Variants in DYSF observed in about 807,000 individuals in gnomAD.
DYSF encodes the protein dysferlin.
In DYSF, 212 loss-of-function variants were observed where a neutral mutation model predicts 274.9. The observed-to-expected ratio is 0.77, with a 90% CI of 0.69 to 0.86. The LOEUF (loss-of-function observed/expected upper bound fraction) is 0.86. Among genes scored for constraint, DYSF ranks in the 40% least tolerant of loss-of-function variants. The probability of loss-of-function intolerance (pLI) is 0.00; values close to 1 mark genes in which losing one functional copy is unlikely to be tolerated. For synonymous variants in DYSF, 1,091 were observed against 1,078.7 expected (o/e 1.01, Z -0.22); for missense variants, 2,666 against 2,783.2 (o/e 0.96, Z 0.95).
At chr2:71,465,609 A>G (rs749055222), upstream of DYSF, among the ~76,000 whole-genome samples, 7 of 152,180 alleles carry the variant, frequency 4.6e-5, no homozygotes, top group East Asian at 1.9e-4. Context: ...CGCCAGGGTT[A>G]TGGCTTAGCC....
intron 1 of DYSF, among the ~76,000 whole-genome samples, chr2:71,477,174 G>A (rs57926327): frequency 0.17 from 25,937 of 152,040 alleles, 3,024 homozygotes; most frequent in East Asian, 0.56. Flanking sequence ...ACAAGCAGGA[G>A]CACTGGGACA....
intron 41 of DYSF, among the ~76,000 whole-genome samples, chr2:71,637,214 A>T (rs537867220): frequency 1.3e-5 from 2 of 152,212 alleles, no homozygotes; most frequent in African/African-American, 2.4e-5. Flanking sequence ...AATGACCCAG[A>T]GGGGAGGGAT....
At chr2:71,552,410 TG>T (rs1263876989) in intron 19 of DYSF, among the ~76,000 whole-genome samples, 1 of 152,256 alleles carries the variant, frequency 6.6e-6, no homozygotes, top group Non-Finnish European at 1.5e-5. Flanking sequence ...AAGTGCTAGC[TG>T]TTGCTACTAT....
intron 12 of DYSF, among the ~76,000 whole-genome samples, chr2:71,523,659 G>T (rs2087552822): frequency 3.3e-5 from 5 of 150,308 alleles, no homozygotes; most frequent in Admixed American, 2.0e-4. Flanking sequence ...TGATTCTCCT[G>T]CCTCAGCCTC....
intron 12 of DYSF, among the ~76,000 whole-genome samples, chr2:71,521,580 G>A (rs2087276057): frequency 6.6e-6 from 1 of 152,110 alleles, no homozygotes; most frequent in African/African-American, 2.4e-5. Context: ...AAGGTCAGGG[G>A]TGAGGTGAAG....
chr2:71,562,064 C>A, intron 23 of DYSF, 120 bp downstream of exon 23: 2 of 1,386,624 alleles, frequency 1.4e-6, no homozygotes, highest in Non-Finnish European at 2.0e-6. Flanking sequence ...GCTGGGTGAC[C>A]TTGGGCAGGT....
chr2:71,516,784 G>A (rs2086703217), intron 9 of DYSF, among the ~76,000 whole-genome samples: 1 of 152,054 alleles, frequency 6.6e-6, no homozygotes, highest in African/African-American at 2.4e-5. Context: ...AAGTCTCTGT[G>A]CCCCTATTTC....
At chr2:71,467,656 G>A (rs1477015172) in intron 1 of DYSF, among the ~76,000 whole-genome samples, 2 of 152,104 alleles carry the variant, frequency 1.3e-5, no homozygotes, top group Non-Finnish European at 2.9e-5. Context: ...TCTCAGGAGG[G>A]GAAAGGGAAG....
chr2:71,498,927 G>C (rs2084697351), intron 3 of DYSF, among the ~76,000 whole-genome samples: 1 of 152,150 alleles, frequency 6.6e-6, no homozygotes, highest in South Asian at 2.1e-4. Context: ...TATTTTGTTG[G>C]ACATACTAAA....
At chr2:71,503,452 A>G in intron 4 of DYSF, 133 bp downstream of exon 4, 1 of 929,130 alleles carries the variant, frequency 1.1e-6, no homozygotes, top group Non-Finnish European at 1.7e-6. Flanking sequence ...GCCCTCCCTG[A>G]CCAGAGTTTG....
At chr2:71,514,534 A>C (rs2086454598) in intron 7 of DYSF, among the ~76,000 whole-genome samples, 2 of 152,202 alleles carry the variant, frequency 1.3e-5, no homozygotes, top group African/African-American at 4.8e-5. Context: ...TTTTATCCAA[A>C]AATCCATCCC....
chr2:71,574,058 A>G, intron 29 of DYSF, 140 bp from the exon 30 acceptor site: 1 of 1,052,548 alleles, frequency 9.5e-7, no homozygotes, highest in Non-Finnish European at 1.4e-6. Context: ...TGGCCCTCCC[A>G]GGTTTTCCCA....
chr2:71,477,240 G>T (rs2082464421), intron 1 of DYSF, among the ~76,000 whole-genome samples: 1 of 152,126 alleles, frequency 6.6e-6, no homozygotes, highest in Non-Finnish European at 1.5e-5. Flanking sequence ...CAATGGAGAG[G>T]GGAGAGGGTG....
chr2:71,637,225 G>A (rs1328338100), intron 41 of DYSF, among the ~76,000 whole-genome samples: 1 of 152,122 alleles, frequency 6.6e-6, no homozygotes, highest in East Asian at 1.9e-4. Context: ...GGGGAGGGAT[G>A]TTGGTGACAC....
At chr2:71,468,955 G>C (rs1394245184) in intron 1 of DYSF, among the ~76,000 whole-genome samples, 1 of 152,180 alleles carries the variant, frequency 6.6e-6, no homozygotes, top group Non-Finnish European at 1.5e-5. Context: ...GTGCCTGGGA[G>C]CTTCATTTAG....
Position 71,611,053 on chromosome 2 carries a change from G to C in DYSF, c.3958-192G>C, listed in dbSNP as rs983027279. ...TGAAGGTGCTGGAATTGTGATCCTGGAGAAGATGATGCCTGGCCGAAACTG... is the reference window on the plus strand; with the variant it reads ...TGAAGGTGCTGGAATTGTGATCCTGCAGAAGATGATGCCTGGCCGAAACTG... On this transcript the variant is annotated intron_variant, in intron 36 of 55. Transcript: ENST00000410020. The C allele has an allele frequency of 1.4e-5, 9 of 636,964 alleles. No homozygotes were observed. The African/African-American group carries it at 1.6e-4, about 11-fold the overall frequency. The allele number at this position is 636,964 out of a possible 1,614,324, so 39.5% of individuals were successfully genotyped here. A position where few individuals can be genotyped will look rare whatever the true frequency, so the allele number is the denominator to read the frequency against.
At chr2:71,471,802 T>C (rs931760651) in intron 1 of DYSF, among the ~76,000 whole-genome samples, 1 of 152,060 alleles carries the variant, frequency 6.6e-6, no homozygotes, top group African/African-American at 2.4e-5. Context: ...CTGTCTCTAC[T>C]GAAAAATACA....
At chr2:71,618,334 G>A (rs1038486852) in intron 40 of DYSF, among the ~76,000 whole-genome samples, 2 of 69,582 alleles carry the variant, frequency 2.9e-5, no homozygotes, top group Non-Finnish European at 3.2e-5. Context: ...GAGATGGGGT[G>A]TGTGTGTGGT....
Position 71,611,459 on chromosome 2 carries a change from GCTTAGATC to G in DYSF, c.4060-3_4064del. ...CTGAGCCACTCTCCTCATTCTGTGT[GCTTAGATC>G]CTGGCATGGGGCCTGCGGAACATGA... is the stretch of plus-strand genomic sequence containing the variant. On this transcript the variant is annotated splice_acceptor_variant and splice_polypyrimidine_tract_variant and coding_sequence_variant and intron_variant, in exon 38 of 56. Transcript: ENST00000410020. LOFTEE classifies it high-confidence loss of function. 1 of 1,614,150 alleles carries G rather than the reference GCTTAGATC, an allele frequency of 6.2e-7. No homozygotes were observed. The highest frequency in any genetic ancestry group is 1.3e-5 in the African/African-American group (1 of 75,056).
Sources: allele counts gnomAD v4.1 joint callset (sites outside exome capture counted in the v4.1 genomes callset), GRCh38; gene constraint gnomAD v4.1.1; transcripts MANE v1.5; gene names NCBI Gene and HGNC (gene_info 2026-07-23, HGNC 2026-07-21).